AGBL4: variants seen among roughly 807,000 people sequenced by gnomAD.
AGBL4 encodes the protein cytosolic carboxypeptidase 6.
Under a neutral mutation model 66.4 loss-of-function variants are expected in AGBL4, and 58 were observed. The observed-to-expected ratio is 0.87, with a 90% confidence interval of 0.71 to 1.09. AGBL4 has a LOEUF of 1.09. AGBL4 is among the 50% of genes least tolerant of loss of function. The pLI is 0.00. For missense variants in AGBL4, 579 were observed against 631.0 expected (o/e 0.92, Z 0.88); for synonymous variants, 234 against 222.9 (o/e 1.05, Z -0.44).
intron 4 of AGBL4, among the ~76,000 whole-genome samples, chr1:49,159,045 G>A (rs774150918): frequency 7.3e-5 from 11 of 150,360 alleles, no homozygotes; most frequent in Non-Finnish European, 1.2e-4. Context: ...TTTTAATTGG[G>A]GCATTTAGCC....
In AGBL4 at chr1:48,572,421, GA is replaced by G. The variant is rs80161171; in HGVS notation, c.1267+14582del. 1.1e-3 allele frequency among the ~76,000 whole-genome samples: 171 copies of G among 151,358 alleles called. 3 individuals carry two copies. In the East Asian group the frequency reaches 0.029, roughly 25 times the overall value. The stretch of plus-strand genomic sequence containing the variant: ...AGGGAGCTAAGGCGGAAGAAAAAGA[GA>G]AAAAAAAGTGGAAGAGGTGGGAGGA... On this transcript the variant is annotated intron_variant, in intron 11 of 13. Coordinates refer to ENST00000371839, the MANE Select transcript of AGBL4 (RefSeq NM_032785.4).
At chr1:49,620,182 G>A (rs527769387) in intron 3 of AGBL4, among the ~76,000 whole-genome samples, 18 of 152,142 alleles carry the variant, frequency 1.2e-4, no homozygotes, top group Non-Finnish European at 2.1e-4. Flanking sequence ...GAGTGAACAG[G>A]CAACCTGCAG....
chr1:48,722,536 A>G (rs1647168485), intron 6 of AGBL4, among the ~76,000 whole-genome samples: 1 of 152,118 alleles, frequency 6.6e-6, no homozygotes, highest in African/African-American at 2.4e-5. Flanking sequence ...CTAATCTAAT[A>G]AATAGTGAAT....
intron 1 of AGBL4, among the ~76,000 whole-genome samples, chr1:49,861,177 A>G (rs1365872576): frequency 2.6e-5 from 4 of 152,148 alleles, no homozygotes; most frequent in East Asian, 1.9e-4. Flanking sequence ...TTGGTCTCCA[A>G]GTAAACTTCA....
intron 5 of AGBL4, among the ~76,000 whole-genome samples, chr1:48,984,351 A>G (rs1330845911): frequency 6.6e-6 from 1 of 151,430 alleles, no homozygotes; most frequent in Non-Finnish European, 1.5e-5. Context: ...TTTCTGCTAC[A>G]TTGGGTTCTA....
rs537105655 is a variant in AGBL4 at position 49,059,883 on chromosome 1, T to C, written c.378-14083A>G. Among the ~76,000 whole-genome samples, 4 of 152,340 alleles carry C rather than the reference T, an allele frequency of 2.6e-5. No homozygotes were observed. The South Asian group carries it at 6.2e-4, about 24-fold the overall frequency. The stretch of plus-strand genomic sequence containing the variant: ...ATTTGGAAGGGGTATATTTACCCAA[T>C]GTCTGTACCCCCAGTGTATCTAGGA... On this transcript the variant is annotated intron_variant, in intron 4 of 13. Coordinates refer to ENST00000371839, the MANE Select transcript of AGBL4 (RefSeq NM_032785.4).
intron 4 of AGBL4, among the ~76,000 whole-genome samples, chr1:49,137,033 G>A (rs1280344239): frequency 6.6e-6 from 1 of 152,062 alleles, no homozygotes; most frequent in Non-Finnish European, 1.5e-5. Context: ...TTTATGAACT[G>A]GACCAATTCA....
intron 3 of AGBL4, among the ~76,000 whole-genome samples, chr1:49,605,225 C>A (rs1297859870): frequency 6.6e-6 from 1 of 152,040 alleles, no homozygotes; most frequent in Non-Finnish European, 1.5e-5. Flanking sequence ...GGGAGAGAGT[C>A]AAATGGTAAG....
intron 2 of AGBL4, among the ~76,000 whole-genome samples, chr1:49,833,713 G>C (rs900700273): frequency 1.3e-5 from 2 of 151,992 alleles, no homozygotes; most frequent in African/African-American, 2.4e-5. Context: ...CTTCACGTCC[G>C]TTGTAAGTTG....
intron 2 of AGBL4, among the ~76,000 whole-genome samples, chr1:49,835,629 T>G (rs1645827888): frequency 6.6e-6 from 1 of 152,200 alleles, no homozygotes; most frequent in Non-Finnish European, 1.5e-5. Context: ...GCTACCTGGT[T>G]ATTTTGCCCA....
At chr1:48,892,927 G>C (rs1651114169) in intron 5 of AGBL4, among the ~76,000 whole-genome samples, 1 of 152,022 alleles carries the variant, frequency 6.6e-6, no homozygotes, top group African/African-American at 2.4e-5. Flanking sequence ...CAGGTACCAG[G>C]GGTTCAGACT....
At chr1:48,636,245 C>T (rs1197038226) in intron 8 of AGBL4, among the ~76,000 whole-genome samples, 1 of 152,160 alleles carries the variant, frequency 6.6e-6, no homozygotes, top group Non-Finnish European at 1.5e-5. Context: ...AAAGGAACAT[C>T]ACCTTCCTAT....
chr1:49,627,555 CTA>C (rs1645488544), intron 3 of AGBL4, among the ~76,000 whole-genome samples: 2 of 152,102 alleles, frequency 1.3e-5, no homozygotes, highest in South Asian at 2.1e-4. Flanking sequence ...TTACCTCAGG[CTA>C]TGTTTTATTT....
intron 3 of AGBL4, among the ~76,000 whole-genome samples, chr1:49,389,594 G>A (rs573772416): frequency 1.4e-4 from 22 of 152,152 alleles, no homozygotes; most frequent in African/African-American, 4.8e-4. Flanking sequence ...CTGGTTTCCT[G>A]ACACTACTTG....
chr1:49,171,510 A>G (rs1278069831), intron 4 of AGBL4, among the ~76,000 whole-genome samples: 1 of 152,134 alleles, frequency 6.6e-6, no homozygotes, highest in Non-Finnish European at 1.5e-5. Flanking sequence ...CTGCAAGGAT[A>G]TATCTAGAAA....
intron 2 of AGBL4, among the ~76,000 whole-genome samples, chr1:49,735,078 AATT>A (rs1649755565): frequency 6.6e-6 from 1 of 152,222 alleles, no homozygotes. Flanking sequence ...AGACAATAAC[AATT>A]ATTATTATAC....
intron 3 of AGBL4, among the ~76,000 whole-genome samples, chr1:49,462,561 G>A (rs1363838220): frequency 1.3e-5 from 2 of 151,704 alleles, no homozygotes; most frequent in Non-Finnish European, 1.5e-5. Context: ...AAATGGATCA[G>A]CTGCCACAAG....
At position 48,879,319 on chromosome 1, in the gene AGBL4, G is replaced by A. The variant is rs761109914; in HGVS notation, c.595-12089C>T. Among the ~76,000 whole-genome samples the A allele has an allele frequency of 3.3e-5, 5 of 152,006 alleles. No individual in the cohort carries two copies. In the South Asian group the frequency reaches 6.2e-4, roughly 19 times the overall value. On this transcript the variant is annotated intron_variant, in intron 5 of 13. Transcript: ENST00000371839. ...CACGAGTGTGCACACAAGCATACTC[G>A]CTTGTGTTTAGAAGTAGCACGCAAT... is the stretch of plus-strand genomic sequence containing the variant.
chr1:48,776,657 G>C lies in AGBL4; in HGVS notation c.634+90534C>G, dbSNP rs1467358732. 5 of 1,492,464 alleles carry C rather than the reference G, an allele frequency of 3.4e-6. No homozygotes were observed. In the East Asian group the frequency reaches 1.4e-4, roughly 43 times the overall value. The allele number at this position is 1,492,464 out of a possible 1,614,324, so 92.5% of individuals were successfully genotyped here. A position where few individuals can be genotyped will look rare whatever the true frequency, so the allele number is the denominator to read the frequency against. ...TGGAGCAACAGCGCGCCCCAGTCGC[G>C]GGGGGCGCGCGGGGGGCTCTCGGGC... On this transcript the variant is annotated intron_variant, in intron 6 of 13. Transcript: ENST00000371839.
Sources: gnomAD v4.1 joint callset for allele counts (sites outside exome capture counted in the v4.1 genomes callset) on GRCh38, gnomAD v4.1.1 for gene constraint, MANE v1.5 for transcripts, NCBI Gene and HGNC (gene_info 2026-07-23, HGNC 2026-07-21) for gene names.